The following FAM163A variants were observed in gnomAD, a reference collection of about 807,000 sequenced individuals.
The protein encoded by FAM163A is protein FAM163A.
A neutral mutation model predicts 12.0 loss-of-function variants in FAM163A; 7 were observed. That is an observed-to-expected ratio of 0.58 (90% CI 0.33 to 1.10). The LOEUF (loss-of-function observed/expected upper bound fraction) is 1.10, where lower values mean the gene tolerates loss of function less well. FAM163A is among the 50% of genes least tolerant of loss of function. The pLI, the probability that FAM163A is intolerant of heterozygous loss-of-function variation, is 0.03. For synonymous variants in FAM163A, 101 were observed against 91.0 expected, an observed-to-expected ratio of 1.11 and a Z score of -0.62; for missense variants, 202 against 218.6, an observed-to-expected ratio of 0.92 and a Z score of 0.48.
chr1:179,785,472 GT>G (rs1690470807), intron 1 of FAM163A, among the ~76,000 whole-genome samples: 1 of 152,154 alleles, frequency 6.6e-6, no homozygotes, highest in Non-Finnish European at 1.5e-5. Context: ...TCTCTTGGGT[GT>G]AGCTGGGAAT....
intron 1 of FAM163A, among the ~76,000 whole-genome samples, chr1:179,758,617 T>C (rs2487742): frequency 0.85 from 128,951 of 152,276 alleles, 55,013 homozygotes; most frequent in East Asian, 1. Context: ...CATTTCCTTC[T>C]TCCACTCCCT....
chr1:179,770,858 T>A (rs1688184269), intron 1 of FAM163A, among the ~76,000 whole-genome samples: 1 of 152,136 alleles, frequency 6.6e-6, no homozygotes, highest in Non-Finnish European at 1.5e-5. Context: ...GTAAATTTCT[T>A]TTTGAGCTGA....
intron 1 of FAM163A, among the ~76,000 whole-genome samples, chr1:179,765,145 G>A (rs189414778): frequency 2.2e-4 from 33 of 152,318 alleles, no homozygotes; most frequent in Non-Finnish European, 3.8e-4. Context: ...GGCTGCCGCT[G>A]GTGGAGGCTG....
intron 1 of FAM163A, among the ~76,000 whole-genome samples, chr1:179,796,073 A>G (rs1692266075): frequency 6.6e-6 from 1 of 151,458 alleles, no homozygotes; most frequent in African/African-American, 2.4e-5. Flanking sequence ...CTGCAGTCAC[A>G]GAACTCCCTG....
intron 1 of FAM163A, among the ~76,000 whole-genome samples, chr1:179,794,367 C>G (rs1336335170): frequency 6.6e-6 from 1 of 152,150 alleles, no homozygotes; most frequent in Non-Finnish European, 1.5e-5. Context: ...TAATAGTACC[C>G]CCATTCACTC....
chr1:179,792,616 C>A lies in FAM163A; in HGVS notation c.-135-15182C>A, dbSNP rs150013889. Among the ~76,000 whole-genome samples, 256 of 152,200 alleles carry A rather than the reference C, an allele frequency of 1.7e-3. 2 individuals carry two copies. The highest frequency in any genetic ancestry group is 6.0e-3 in the African/African-American group (248 of 41,534). On this transcript the variant is annotated intron_variant, in intron 1 of 4. Coordinates refer to ENST00000341785, the MANE Select transcript of FAM163A (RefSeq NM_173509.3). ...GACCTGAGAACTAGTGTCTGCGCCT[C>A]CACTTACTAGTTGTGTTACCTTAGA... is the stretch of plus-strand genomic sequence containing the variant.
chr1:179,740,203 C>T (rs978746511), upstream of FAM163A, among the ~76,000 whole-genome samples: 12 of 137,834 alleles, frequency 8.7e-5, no homozygotes, highest in Non-Finnish European at 1.6e-4. Flanking sequence ...GTTGTTGAGA[C>T]GTCTTGCTCT....
At chr1:179,790,162 A>G (rs988866488) in intron 1 of FAM163A, among the ~76,000 whole-genome samples, 1 of 151,094 alleles carries the variant, frequency 6.6e-6, no homozygotes, top group African/African-American at 2.4e-5. Context: ...CTCCAAGCCT[A>G]GAGACTGGAG....
In FAM163A at chr1:179,797,076, CA is replaced by C. The variant is rs371244842; in HGVS notation, c.-135-10719del. Among the ~76,000 whole-genome samples, 1,405 of 152,304 alleles carry C rather than the reference CA, an allele frequency of 9.2e-3. 24 individuals carry two copies. Among genetic ancestry groups the C allele is most frequent in the African/African-American group, 0.032 (1,327 of 41,562 alleles). ...CCTGCCTCACCCCAGCTACAGGGTG[CA>C]AAGTGATAATGATTCAGCTCTCAGA... On this transcript the variant is annotated intron_variant, in intron 1 of 4. Coordinates refer to ENST00000341785, the MANE Select transcript of FAM163A (RefSeq NM_173509.3).
At chr1:179,783,597 G>A (rs1004626424) in intron 1 of FAM163A, among the ~76,000 whole-genome samples, 1 of 151,192 alleles carries the variant, frequency 6.6e-6, no homozygotes, top group South Asian at 2.1e-4. Flanking sequence ...GGTATGGAAA[G>A]GTTTAAAAGT....
rs1695231441 is a variant in FAM163A at position 179,815,343 on chromosome 1, T to C, written c.*1154T>C. ...GCACAGAATCTCTGTGGGGCGATGC[T>C]GCAGCGGCTGAAACCACGTCAAGTC... On this transcript the variant is annotated 3_prime_UTR_variant, in exon 5 of 5. Transcript: ENST00000341785. 1 of 152,292 alleles carries C rather than the reference T, an allele frequency of 6.6e-6. No individual in the cohort carries two copies. Among genetic ancestry groups the C allele is most frequent in the East Asian group, 1.9e-4 (1 of 5,194 alleles). 9.4% of individuals were successfully genotyped at this position (152,292 alleles called of 1,614,324 possible).
the FAM163A span, among the ~76,000 whole-genome samples, chr1:179,728,946 T>C: frequency 6.6e-6 from 1 of 152,174 alleles, no homozygotes; most frequent in Non-Finnish European, 1.5e-5. Flanking sequence ...AAAGCGTCAG[T>C]TAACCCCAGC....
the FAM163A span, among the ~76,000 whole-genome samples, chr1:179,729,694 CT>C: frequency 1.5e-4 from 23 of 152,206 alleles, no homozygotes; most frequent in Admixed American, 2.6e-4. Context: ...ACTGATATCT[CT>C]GCTTCCCCAA....
At chr1:179,776,196 A>G (rs1688938488) in intron 1 of FAM163A, among the ~76,000 whole-genome samples, 1 of 152,164 alleles carries the variant, frequency 6.6e-6, no homozygotes, top group South Asian at 2.1e-4. Flanking sequence ...ATCACATGAA[A>G]GAGAAACCAC....
At chr1:179,757,783 G>C (rs1686234837) in intron 1 of FAM163A, among the ~76,000 whole-genome samples, 1 of 152,114 alleles carries the variant, frequency 6.6e-6, no homozygotes, top group African/African-American at 2.4e-5. Context: ...CTGCACTCCA[G>C]CCTGAGCGAC....
chr1:179,783,445 T>G, intron 1 of FAM163A, among the ~76,000 whole-genome samples: 1 of 152,188 alleles, frequency 6.6e-6, no homozygotes, highest in African/African-American at 2.4e-5. Context: ...CAATGTTTAT[T>G]TTTTAAATGT....
chr1:179,801,775 C>A (rs1693213303), intron 1 of FAM163A, among the ~76,000 whole-genome samples: 1 of 152,216 alleles, frequency 6.6e-6, no homozygotes, highest in African/African-American at 2.4e-5. Context: ...CTGTGCAAAG[C>A]AACTTCCCCC....
chr1:179,774,330 C>T (rs57035525), intron 1 of FAM163A, among the ~76,000 whole-genome samples: 1 of 152,352 alleles, frequency 6.6e-6, no homozygotes, highest in African/African-American at 2.4e-5. Context: ...GTGTGAGAGG[C>T]TTCTGGGGTT....
chr1:179,739,726 CA>C (rs1156265990), upstream of FAM163A, among the ~76,000 whole-genome samples: 1 of 152,028 alleles, frequency 6.6e-6, no homozygotes, highest in Admixed American at 6.6e-5. Context: ...AGCAAATGAC[CA>C]AAAGACGTAA....
Sources: gnomAD v4.1 joint callset for allele counts (sites outside exome capture counted in the v4.1 genomes callset) on GRCh38, gnomAD v4.1.1 for gene constraint, MANE v1.5 for transcripts, NCBI Gene and HGNC (gene_info 2026-07-23, HGNC 2026-07-21) for gene names.